Variants in CFAP20DC observed in about 807,000 individuals in gnomAD.
CFAP20DC encodes protein CFAP20DC.
Under a neutral mutation model 101.7 loss-of-function variants are expected in CFAP20DC, and 84 were observed. The ratio of observed to expected loss-of-function variants is 0.83; its 90% CI spans 0.69 to 0.99. The LOEUF (loss-of-function observed/expected upper bound fraction) is 0.99, where lower values mean the gene tolerates loss of function less well. Among genes scored for constraint, CFAP20DC ranks in the 50% least tolerant of loss-of-function variants. The pLI is 0.00. For missense variants in CFAP20DC, 1,007 were observed against 970.3 expected (o/e 1.04, Z -0.50); for synonymous variants, 359 against 351.2 (o/e 1.02, Z -0.25).
At chr3:58,829,385 T>C (rs969275080) in intron 14 of CFAP20DC, among the ~76,000 whole-genome samples, 3 of 151,964 alleles carry the variant, frequency 2.0e-5, no homozygotes, top group Non-Finnish European at 2.9e-5. Context: ...TTATTTCTTC[T>C]TTTTCACTGT....
intron 5 of CFAP20DC, among the ~76,000 whole-genome samples, chr3:58,937,433 A>T (rs540865500): frequency 5.9e-5 from 9 of 152,300 alleles, no homozygotes; most frequent in Non-Finnish European, 1.2e-4. Flanking sequence ...TGTGCTTTGT[A>T]ACACAGTTTT....
intron 4 of CFAP20DC, among the ~76,000 whole-genome samples, chr3:58,938,709 C>T (rs899339712): frequency 6.6e-6 from 1 of 152,028 alleles, no homozygotes; most frequent in Non-Finnish European, 1.5e-5. Context: ...TCCGTTCCCC[C>T]TCCTTCCCAC....
At chr3:59,040,820 G>A (rs1699306550) in intron 3 of CFAP20DC, among the ~76,000 whole-genome samples, 2 of 152,032 alleles carry the variant, frequency 1.3e-5, no homozygotes, top group South Asian at 4.2e-4. Context: ...GATCAAATAT[G>A]CATAACATTT....
chr3:58,764,337 G>C (rs961661072), intron 15 of CFAP20DC, among the ~76,000 whole-genome samples: 3 of 152,188 alleles, frequency 2.0e-5, no homozygotes, highest in Non-Finnish European at 2.9e-5. Context: ...CTCCGAGCCA[G>C]GCGTGGGATA....
At chr3:58,755,629 G>GT (rs1363718629) in intron 15 of CFAP20DC, among the ~76,000 whole-genome samples, 5 of 152,134 alleles carry the variant, frequency 3.3e-5, no homozygotes, top group Non-Finnish European at 7.4e-5. Flanking sequence ...TTTGATCAAT[G>GT]TTTTTCCTTT....
chr3:58,934,506 T>C (rs1348305778), intron 5 of CFAP20DC, among the ~76,000 whole-genome samples: 1 of 152,112 alleles, frequency 6.6e-6, no homozygotes, highest in Non-Finnish European at 1.5e-5. Flanking sequence ...TGATGAACAT[T>C]GATGCAAAAA....
intron 5 of CFAP20DC, among the ~76,000 whole-genome samples, chr3:58,934,743 C>T (rs1192004129): frequency 6.6e-6 from 1 of 152,168 alleles, no homozygotes; most frequent in South Asian, 2.1e-4. Flanking sequence ...TAAAAACTCT[C>T]AATAAATTAG....
In CFAP20DC at chr3:58,952,946, A is replaced by AAAAC. The variant is rs1173930657; in HGVS notation, c.279-15188_279-15185dup. Among the ~76,000 whole-genome samples the AAAAC allele has an allele frequency of 2.0e-5, 3 of 152,336 alleles. No individual in the cohort carries two copies. In the East Asian group the frequency reaches 5.8e-4, roughly 29 times the overall value. ...AGATACTGGGGATTTCACAGTGAAAAAAACAAGGTCTCCAGCTTGTTCTAA... is the reference window on the plus strand; with the variant it reads ...AGATACTGGGGATTTCACAGTGAAAAAAACAAACAAGGTCTCCAGCTTGTTCTAA... On this transcript the variant is annotated intron_variant, in intron 4 of 16. Transcript: ENST00000482387.
intron 13 of CFAP20DC, among the ~76,000 whole-genome samples, chr3:58,843,304 A>G (rs1485057683): frequency 6.6e-6 from 1 of 151,840 alleles, no homozygotes; most frequent in East Asian, 1.9e-4. Context: ...TAACCAATAC[A>G]GAGAAGTGCT....
At chr3:58,789,621 G>C (rs1266888400) in intron 15 of CFAP20DC, among the ~76,000 whole-genome samples, 1 of 152,120 alleles carries the variant, frequency 6.6e-6, no homozygotes, top group Non-Finnish European at 1.5e-5. Flanking sequence ...TAGTTGACTA[G>C]ATTTATTTCC....
intron 4 of CFAP20DC, among the ~76,000 whole-genome samples, chr3:59,022,820 G>A (rs2093826822): frequency 6.6e-6 from 1 of 152,040 alleles, no homozygotes; most frequent in African/African-American, 2.4e-5. Flanking sequence ...TCTATTATAG[G>A]CTTATATTCA....
At chr3:58,984,491 G>A (rs186550219) in intron 4 of CFAP20DC, among the ~76,000 whole-genome samples, 22 of 152,322 alleles carry the variant, frequency 1.4e-4, no homozygotes, top group Admixed American at 7.9e-4. Context: ...GTAGCCTAAT[G>A]ACATGGAAAG....
At chr3:58,771,342 A>G (rs1281492593) in intron 15 of CFAP20DC, among the ~76,000 whole-genome samples, 2 of 152,246 alleles carry the variant, frequency 1.3e-5, no homozygotes. Flanking sequence ...TGGCATGTGT[A>G]TACCTATGTA....
At position 59,001,301 on chromosome 3, in the gene CFAP20DC, T is replaced by C. The variant is rs534201740; in HGVS notation, c.278+38256A>G. On this transcript the variant is annotated intron_variant, in intron 4 of 16. Coordinates refer to ENST00000482387, the MANE Select transcript of CFAP20DC (RefSeq NM_001394063.1). This position sits in a 1 kb window ranked among gnomAD's most constrained non-coding sequence, Gnocchi z 4.5. ...CTGATAGACTGCCTCTATAGGACTG[T>C]ATAGATCACCAAGAAGGCATACCAC... 1.8e-4 allele frequency among the ~76,000 whole-genome samples: 27 copies of C among 152,298 alleles called. No homozygotes were observed. In the East Asian group the frequency reaches 4.2e-3, roughly 24 times the overall value.
At position 58,849,351 on chromosome 3, in the gene CFAP20DC, T is replaced by A. The variant is rs1434055751; in HGVS notation, c.1652A>T (p.Gln551Leu). ...GPTTGPSELT[Q>L]LTLESLLGKA... is the part of the protein sequence containing the mutation. ...CCCCAGCAGGCTCTCTAATGTTAACTGAGTTAACTCTGAAGGACCAGTTGT... is the reference window on the plus strand; with the variant it reads ...CCCCAGCAGGCTCTCTAATGTTAACAGAGTTAACTCTGAAGGACCAGTTGT... The change falls in exon 13 of 17, where the codon CAG (glutamine) becomes CTG (leucine). Residue 551 changes from glutamine (Q) to leucine (L), a missense_variant. Coordinates refer to ENST00000482387, the MANE Select transcript of CFAP20DC (RefSeq NM_001394063.1). The A allele has an allele frequency of 8.5e-6, 13 of 1,535,914 alleles. No individual in the cohort carries two copies. Among genetic ancestry groups the A allele is most frequent in the Non-Finnish European group, 1.0e-5 (12 of 1,146,638 alleles).
intron 5 of CFAP20DC, among the ~76,000 whole-genome samples, chr3:58,918,088 T>A (rs1559820387): frequency 6.6e-6 from 1 of 152,194 alleles, no homozygotes; most frequent in East Asian, 1.9e-4. Flanking sequence ...AGTACTTACA[T>A]TCTCTGCATT....
chr3:58,742,536 A>G lies in CFAP20DC; in HGVS notation c.2369T>C (p.Val790Ala), dbSNP rs756454210. The G allele has an allele frequency of 1.2e-4, 188 of 1,608,698 alleles. No individual in the cohort carries two copies. The highest frequency in any genetic ancestry group is 1.5e-4 in the Non-Finnish European group (173 of 1,177,564). ...EDLSVEEDEE[V>A]LTLLYDPCLN... ...ACAAGGGTCATACAACAAAGTCAGT[A>G]CTTCCTCGTCCTCTTCCACACTGAG... Residue 790 changes from valine (V) to alanine (A), a missense_variant, in exon 17 of 17, where the codon GTA (valine) becomes GCA (alanine). By Grantham distance (64) the Val-to-Ala change is moderately conservative. Coordinates refer to ENST00000482387, the MANE Select transcript of CFAP20DC (RefSeq NM_001394063.1).
rs146765716 is a variant in CFAP20DC at position 58,813,193 on chromosome 3, C to T, written c.2176-6737G>A. ...CCAATACCTAACAAAAATGTGAAAT[C>T]TCAAATTTTCCCTCCACAGGAAACC... On this transcript the variant is annotated intron_variant, in intron 14 of 16. Coordinates refer to ENST00000482387, the MANE Select transcript of CFAP20DC (RefSeq NM_001394063.1). Among the ~76,000 whole-genome samples, 123 of 151,934 alleles carry T rather than the reference C, an allele frequency of 8.1e-4. 2 individuals carry two copies. Among genetic ancestry groups the T allele is most frequent in the African/African-American group, 2.8e-3 (115 of 41,282 alleles).
downstream of CFAP20DC, among the ~76,000 whole-genome samples, chr3:58,716,236 A>G (rs912248098): frequency 4.5e-5 from 6 of 134,012 alleles, no homozygotes; most frequent in Non-Finnish European, 6.1e-5. Context: ...ATCTCGGCTC[A>G]CTGCAAGCTC....
Sources: gnomAD v4.1 joint callset for allele counts (sites outside exome capture counted in the v4.1 genomes callset) on GRCh38, gnomAD v4.1.1 for gene constraint, Gnocchi (gnomAD v3.1) non-coding constraint, MANE v1.5 for transcripts, NCBI Gene and HGNC (gene_info 2026-07-23, HGNC 2026-07-21) for gene names.